COMMD1: variants seen among roughly 807,000 people sequenced by gnomAD.
The protein encoded by COMMD1 is copper metabolism domain containing 1.
In COMMD1, 10 loss-of-function variants were observed where a neutral mutation model predicts 17.2. The observed-to-expected ratio is 0.58, with a 90% CI of 0.36 to 0.99. COMMD1 has a LOEUF of 0.99. Among genes scored for constraint, COMMD1 ranks in the 50% least tolerant of loss-of-function variants. The pLI is 0.01. For synonymous variants in COMMD1, 97 were observed against 91.6 expected, an observed-to-expected ratio of 1.06 and a Z score of -0.34; for missense variants, 270 against 231.8, an observed-to-expected ratio of 1.17 and a Z score of -1.07.
At chr2:61,888,546 G>C (rs1471333957), upstream of COMMD1, 2 of 1,594,056 alleles carry the variant, frequency 1.3e-6, no homozygotes, top group East Asian at 2.2e-5. Context: ...CGGGAAGGAC[G>C]GATGGACCCG....
chr2:62,101,619 C>A (rs79734759), intron 2 of COMMD1, among the ~76,000 whole-genome samples: 17,312 of 150,538 alleles, frequency 0.12, 1,071 homozygotes, highest in Middle Eastern at 0.16. Context: ...CTCTCTCTCT[C>A]TATATATATA....
intron 1 of COMMD1, among the ~76,000 whole-genome samples, chr2:61,939,089 T>C (rs1163906314): frequency 6.6e-6 from 1 of 152,142 alleles, no homozygotes; most frequent in Non-Finnish European, 1.5e-5. Context: ...TATAGTAAGA[T>C]CAATTTGTAT....
chr2:62,107,779 A>G (rs1171685534), intron 2 of COMMD1, among the ~76,000 whole-genome samples: 51 of 152,198 alleles, frequency 3.4e-4, no homozygotes, highest in Non-Finnish European at 8.8e-5. Context: ...ATGTGTCAAC[A>G]TTCAGCTTTA....
At chr2:62,062,979 G>A (rs1364331436) in intron 2 of COMMD1, among the ~76,000 whole-genome samples, 1 of 152,038 alleles carries the variant, frequency 6.6e-6, no homozygotes, top group Non-Finnish European at 1.5e-5. Context: ...AGCACTTTGG[G>A]AGGCCGAGGC....
chr2:62,056,080 G>A (rs1670691692), intron 2 of COMMD1, among the ~76,000 whole-genome samples: 1 of 152,186 alleles, frequency 6.6e-6, no homozygotes. Context: ...GTCAGTATAT[G>A]CACAGACAGA....
intron 2 of COMMD1, among the ~76,000 whole-genome samples, chr2:62,024,551 T>C (rs536396625): frequency 4.7e-4 from 72 of 152,330 alleles, no homozygotes; most frequent in African/African-American, 1.6e-3. Flanking sequence ...TTGAAGTTGT[T>C]TATGAATATC....
At chr2:61,981,728 A>G (rs1368553981) in intron 1 of COMMD1, among the ~76,000 whole-genome samples, 1 of 152,158 alleles carries the variant, frequency 6.6e-6, no homozygotes, top group Non-Finnish European at 1.5e-5. Flanking sequence ...CTCCTTTATA[A>G]AACCATCAGA....
intron 1 of COMMD1, among the ~76,000 whole-genome samples, chr2:61,959,578 A>G (rs1242637394): frequency 3.3e-5 from 5 of 152,222 alleles, no homozygotes; most frequent in African/African-American, 7.2e-5. Context: ...AAATTAAGCA[A>G]CTTTTCCAAA....
At chr2:62,003,247 A>AT (rs1159293454) in intron 2 of COMMD1, among the ~76,000 whole-genome samples, 1 of 151,032 alleles carries the variant, frequency 6.6e-6, no homozygotes, top group East Asian at 1.9e-4. Context: ...AAAAAACAAA[A>AT]CAAAACAAAA....
At chr2:61,996,547 A>T (rs1283698777) in intron 1 of COMMD1, among the ~76,000 whole-genome samples, 2 of 152,194 alleles carry the variant, frequency 1.3e-5, no homozygotes, top group African/African-American at 4.8e-5. Context: ...TTTTACCCAC[A>T]GTAGAACCTC....
intron 1 of COMMD1, among the ~76,000 whole-genome samples, chr2:61,892,375 C>G (rs1669453145): frequency 6.6e-6 from 1 of 151,904 alleles, no homozygotes; most frequent in Non-Finnish European, 1.5e-5. Context: ...TAGGACTGAG[C>G]CAGGAACTGG....
chr2:62,077,342 T>C (rs947285148), intron 2 of COMMD1, among the ~76,000 whole-genome samples: 10 of 152,222 alleles, frequency 6.6e-5, no homozygotes, highest in African/African-American at 2.4e-4. Context: ...AAATAGTGAA[T>C]TTTAAACACA....
At chr2:61,961,425 A>G (rs1261315339) in intron 1 of COMMD1, among the ~76,000 whole-genome samples, 3 of 152,316 alleles carry the variant, frequency 2.0e-5, no homozygotes, top group East Asian at 1.9e-4. Context: ...CAAATACGGA[A>G]TGGCATGGAC....
rs561603329 is a variant in COMMD1 at position 62,119,996 on chromosome 2, T to A, written c.463-15835T>A. On this transcript the variant is annotated intron_variant, in intron 2 of 2. Transcript: ENST00000311832. ...TTTATTTTTTTTATTATTATTCTTTTTCTTTTTTTATTTCATTTCGAGACA... is the reference window on the plus strand; with the variant it reads ...TTTATTTTTTTTATTATTATTCTTTATCTTTTTTTATTTCATTTCGAGACA... 2.6e-4 allele frequency among the ~76,000 whole-genome samples: 40 copies of A among 152,268 alleles called. No individual in the cohort carries two copies. The South Asian group carries it at 8.3e-3, about 32-fold the overall frequency.
intron 2 of COMMD1, among the ~76,000 whole-genome samples, chr2:62,076,713 C>T (rs1158432666): frequency 6.6e-6 from 1 of 152,108 alleles, no homozygotes; most frequent in Non-Finnish European, 1.5e-5. Flanking sequence ...CACCACTGCA[C>T]TCCAGTCTGG....
chr2:61,987,494 C>G (rs962566690), intron 1 of COMMD1, among the ~76,000 whole-genome samples: 1 of 152,140 alleles, frequency 6.6e-6, no homozygotes, highest in Admixed American at 6.5e-5. Flanking sequence ...TTTCTATTGC[C>G]AGGCAGAGAC....
intron 1 of COMMD1, among the ~76,000 whole-genome samples, chr2:61,915,934 A>G (rs577874977): frequency 6.6e-6 from 1 of 152,030 alleles, no homozygotes; most frequent in African/African-American, 2.4e-5. Flanking sequence ...AGCCTCCTAA[A>G]GTGCTGGGAT....
intron 2 of COMMD1, among the ~76,000 whole-genome samples, chr2:62,105,358 GATAAT>G (rs1054098518): frequency 3.9e-5 from 6 of 151,952 alleles, no homozygotes; most frequent in African/African-American, 1.5e-4. Flanking sequence ...ATTATTTAGC[GATAAT>G]ATAATTATTA....
At chr2:61,955,533 A>C (rs114423200) in intron 1 of COMMD1, among the ~76,000 whole-genome samples, 1,837 of 152,210 alleles carry the variant, frequency 0.012, 41 homozygotes, top group African/African-American at 0.043. Context: ...GTTGTATCTA[A>C]TAATTCTTTG....
Sources: gnomAD v4.1 joint callset for allele counts (sites outside exome capture counted in the v4.1 genomes callset) on GRCh38, gnomAD v4.1.1 for gene constraint, MANE v1.5 for transcripts, NCBI Gene and HGNC (gene_info 2026-07-23, HGNC 2026-07-21) for gene names.